Variants in CTNNA2 observed in about 807,000 individuals in gnomAD.
CTNNA2 encodes catenin alpha 2.
CTNNA2 carries 42 observed loss-of-function variants against 101.0 expected under a neutral mutation model. That is an observed-to-expected ratio of 0.42 (90% CI 0.32 to 0.54). CTNNA2 has a LOEUF of 0.54. CTNNA2 is among the 20% of genes least tolerant of loss of function. The pLI is 0.14. For synonymous variants in CTNNA2, 450 were observed against 456.4 expected (o/e 0.99, Z 0.18); for missense variants, 871 against 1,223.1 (o/e 0.71, Z 4.29).
At chr2:80,348,070 A>G (rs1672935384) in intron 7 of CTNNA2, among the ~76,000 whole-genome samples, 1 of 152,116 alleles carries the variant, frequency 6.6e-6, no homozygotes, top group Non-Finnish European at 1.5e-5. Flanking sequence ...TCAGAGCAGA[A>G]CCAGAATGCA....
intron 3 of CTNNA2, among the ~76,000 whole-genome samples, chr2:79,846,756 C>G (rs1018355189): frequency 6.6e-6 from 1 of 152,110 alleles, no homozygotes; most frequent in African/African-American, 2.4e-5. Flanking sequence ...TAGTTATTTT[C>G]TGAAATTCAG....
At chr2:79,620,997 C>T (rs1211769776) in intron 1 of CTNNA2, among the ~76,000 whole-genome samples, 1 of 152,088 alleles carries the variant, frequency 6.6e-6, no homozygotes, top group South Asian at 2.1e-4. Context: ...CTGGAAAGCC[C>T]CCTCCCCATA....
chr2:79,660,032 C>T (rs1041610076), intron 2 of CTNNA2, among the ~76,000 whole-genome samples: 1 of 152,074 alleles, frequency 6.6e-6, no homozygotes, highest in Non-Finnish European at 1.5e-5. Context: ...GAATGAAGTA[C>T]CTTAAGTATC....
chr2:80,059,596 A>C (rs1446410713), intron 7 of CTNNA2, among the ~76,000 whole-genome samples: 1 of 152,206 alleles, frequency 6.6e-6, no homozygotes, highest in Non-Finnish European at 1.5e-5. Flanking sequence ...CTGATTCCAT[A>C]ATGATTCTGA....
chr2:79,707,553 A>C (rs2104791240), intron 2 of CTNNA2, among the ~76,000 whole-genome samples: 1 of 152,300 alleles, frequency 6.6e-6, no homozygotes, highest in East Asian at 1.9e-4. Flanking sequence ...TAAGCCCTTT[A>C]TTACTACACA....
chr2:79,213,209 A>G (rs1453980048), intron 2 of CTNNA2, among the ~76,000 whole-genome samples: 2 of 152,200 alleles, frequency 1.3e-5, no homozygotes, highest in African/African-American at 4.8e-5. Context: ...TAGCTATCTT[A>G]TCAGCATAAG....
At chr2:79,750,698 G>A (rs995989710) in intron 3 of CTNNA2, among the ~76,000 whole-genome samples, 1 of 152,004 alleles carries the variant, frequency 6.6e-6, no homozygotes, top group Non-Finnish European at 1.5e-5. Flanking sequence ...GAAGTCTGGT[G>A]GCAGCAGGCT....
chr2:80,090,146 CTGTGTGTGTGTGTGTG>C (rs35203371), intron 7 of CTNNA2, among the ~76,000 whole-genome samples: 5,850 of 140,762 alleles, frequency 0.042, 160 homozygotes, highest in Non-Finnish European at 0.053. Context: ...CTCTCTCTCT[CTGTGTGTGTGTGTGTG>C]TGTGTGTGTG....
At chr2:79,458,732 C>A (rs964353046) in intron 4 of CTNNA2, among the ~76,000 whole-genome samples, 2 of 152,090 alleles carry the variant, frequency 1.3e-5, no homozygotes, top group African/African-American at 4.8e-5. Context: ...TTGGTTATAA[C>A]CTTACCCATT....
intron 4 of CTNNA2, among the ~76,000 whole-genome samples, chr2:79,430,516 C>G (rs1678648400): frequency 6.6e-6 from 1 of 152,084 alleles, no homozygotes; most frequent in African/African-American, 2.4e-5. Flanking sequence ...AATTACACAC[C>G]AACCAACCAG....
rs530386362 is a variant in CTNNA2 at position 80,312,109 on chromosome 2, T to G, written c.1057-81102T>G. On this transcript the variant is annotated intron_variant, in intron 7 of 18. Transcript: ENST00000402739. ...CTTGTTCCTCATTGCCACAAAGAAA[T>G]AGCATTCGAACATAAATTTGATTCT... Among the ~76,000 whole-genome samples, 15 of 152,314 alleles carry G rather than the reference T, an allele frequency of 9.8e-5. No homozygotes were observed. In the South Asian group the frequency reaches 2.5e-3, roughly 25 times the overall value.
At chr2:79,719,849 TTACTC>T (rs1382274273) in intron 2 of CTNNA2, among the ~76,000 whole-genome samples, 3 of 152,172 alleles carry the variant, frequency 2.0e-5, no homozygotes, top group African/African-American at 7.2e-5. Flanking sequence ...AGCTGCCTGT[TTACTC>T]TATCTACTGT....
At chr2:79,945,920 T>G (rs550453027) in intron 7 of CTNNA2, among the ~76,000 whole-genome samples, 1 of 152,190 alleles carries the variant, frequency 6.6e-6, no homozygotes, top group African/African-American at 2.4e-5. Context: ...CACACGGTGC[T>G]ATGGGAGCAG....
intron 12 of CTNNA2, among the ~76,000 whole-genome samples, chr2:80,559,878 T>TATCTATCTATATATATATATATATATA (rs1693393440): frequency 8.8e-6 from 1 of 113,936 alleles, no homozygotes; most frequent in African/African-American, 3.0e-5. Context: ...GATATCATAT[T>TATCTATCTATATATATATATATATATA]TATATATATA....
intron 7 of CTNNA2, among the ~76,000 whole-genome samples, chr2:80,033,856 T>C (rs1181074766): frequency 6.6e-6 from 1 of 150,510 alleles, no homozygotes; most frequent in Non-Finnish European, 1.5e-5. Context: ...GTGAGGAAAA[T>C]ATAGATCATT....
chr2:79,684,268 A>T (rs1054343788), intron 2 of CTNNA2, among the ~76,000 whole-genome samples: 2 of 152,224 alleles, frequency 1.3e-5, no homozygotes, highest in Admixed American at 1.3e-4. Context: ...TCCATGCAAT[A>T]CTTTATGATA....
In CTNNA2 at chr2:79,987,935, A is replaced by G. The variant is rs530038121; in HGVS notation, c.1056+78138A>G. On this transcript the variant is annotated intron_variant, in intron 7 of 18. Coordinates refer to ENST00000402739, the MANE Select transcript of CTNNA2 (RefSeq NM_001282597.3). The stretch of plus-strand genomic sequence containing the variant: ...TAAAATATATCACGGTCTGTTAGAT[A>G]GAGCCTACAGTTACCCTGTTCAGGT... Among the ~76,000 whole-genome samples the G allele has an allele frequency of 2.0e-5, 3 of 152,350 alleles. No homozygotes were observed. The South Asian group carries it at 6.2e-4, about 32-fold the overall frequency.
intron 1 of CTNNA2, among the ~76,000 whole-genome samples, chr2:79,638,263 C>T (rs1680214478): frequency 6.6e-6 from 1 of 152,108 alleles, no homozygotes. Context: ...CATGTAGATT[C>T]ATTTTTTTAT....
chr2:80,311,987 A>T (rs539890781), intron 7 of CTNNA2, among the ~76,000 whole-genome samples: 1 of 152,328 alleles, frequency 6.6e-6, no homozygotes, highest in African/African-American at 2.4e-5. Flanking sequence ...AATTTTATCA[A>T]TTATGGGGGA....
Sources: gnomAD v4.1 joint callset for allele counts (sites outside exome capture counted in the v4.1 genomes callset) on GRCh38, gnomAD v4.1.1 for gene constraint, MANE v1.5 for transcripts, NCBI Gene and HGNC (gene_info 2026-07-23, HGNC 2026-07-21) for gene names.